The following PTPRM variants were observed in gnomAD, a reference collection of about 807,000 sequenced individuals.
PTPRM encodes protein tyrosine phosphatase receptor type M, also known as receptor-type tyrosine-protein phosphatase mu.
A neutral mutation model predicts 186.7 loss-of-function variants in PTPRM; 47 were observed. The ratio of observed to expected loss-of-function variants is 0.25; its 90% CI spans 0.20 to 0.32. PTPRM has a LOEUF of 0.32. Ranked by LOEUF, PTPRM falls within the 10% of genes least tolerant of loss-of-function variation. PTPRM has a pLI of 1.00. For missense variants in PTPRM, 1,494 were observed against 1,865.0 expected (o/e 0.80, Z 3.66); for synonymous variants, 668 against 674.9 (o/e 0.99, Z 0.16).
chr18:8,354,726 GC>G (rs1233986312), intron 23 of PTPRM, among the ~76,000 whole-genome samples: 12 of 152,296 alleles, frequency 7.9e-5, no homozygotes, highest in African/African-American at 2.6e-4. Flanking sequence ...ATTCCACAGT[GC>G]CCCCCGTTAG....
chr18:7,772,444 C>CCCTTCCTTCCTTCCTTCCTT (rs200187256), intron 1 of PTPRM, among the ~76,000 whole-genome samples: 55 of 92,404 alleles, frequency 6.0e-4, no homozygotes, highest in African/African-American at 2.4e-3. Context: ...CTTCCCCTTC[C>CCCTTCCTTCCTTCCTTCCTT]CCTTCCTTCC....
intron 4 of PTPRM, among the ~76,000 whole-genome samples, chr18:7,921,262 TTTTTCC>T (rs1310347089): frequency 6.6e-6 from 1 of 152,142 alleles, no homozygotes; most frequent in Non-Finnish European, 1.5e-5. Context: ...GTAGATAATC[TTTTTCC>T]TTTTCATTTT....
intron 20 of PTPRM, among the ~76,000 whole-genome samples, chr18:8,312,988 G>A (rs1464264046): frequency 1.3e-5 from 2 of 152,114 alleles, no homozygotes; most frequent in Non-Finnish European, 2.9e-5. Flanking sequence ...ACATTTACTC[G>A]ACAGGAGGTT....
intron 7 of PTPRM, among the ~76,000 whole-genome samples, chr18:7,999,911 C>T (rs2083767408): frequency 2.0e-5 from 3 of 152,070 alleles, no homozygotes; most frequent in South Asian, 4.2e-4. Flanking sequence ...AGAGCCTGTG[C>T]TGGTGTGGTT....
chr18:7,685,090 G>C (rs1377107164), intron 1 of PTPRM, among the ~76,000 whole-genome samples: 1 of 152,144 alleles, frequency 6.6e-6, no homozygotes, highest in East Asian at 1.9e-4. Context: ...GATTATAAAC[G>C]TAATCACAGG....
At chr18:7,638,732 CAGAT>C (rs1289664510) in intron 1 of PTPRM, among the ~76,000 whole-genome samples, 3 of 152,182 alleles carry the variant, frequency 2.0e-5, no homozygotes, top group Admixed American at 6.5e-5. Context: ...GATTTATTAA[CAGAT>C]AGGCTGGAGC....
chr18:8,358,070 C>T (rs2095573078), intron 23 of PTPRM, among the ~76,000 whole-genome samples: 1 of 152,078 alleles, frequency 6.6e-6, no homozygotes. Context: ...GATAGTATTC[C>T]TGCAAATACA....
intron 7 of PTPRM, among the ~76,000 whole-genome samples, chr18:7,975,882 C>T (rs139572546): frequency 6.6e-6 from 1 of 152,254 alleles, no homozygotes; most frequent in East Asian, 1.9e-4. Flanking sequence ...TAGAATGTAT[C>T]TCTGTTGGCT....
At chr18:8,210,017 AAAG>A in intron 14 of PTPRM, among the ~76,000 whole-genome samples, 1 of 132,174 alleles carries the variant, frequency 7.6e-6, no homozygotes, top group African/African-American at 2.8e-5. Flanking sequence ...AAAAAAAAAA[AAAG>A]GTGCTCGGGC....
intron 14 of PTPRM, among the ~76,000 whole-genome samples, chr18:8,190,632 A>G (rs2093697964): frequency 1.3e-5 from 2 of 152,210 alleles, no homozygotes; most frequent in Non-Finnish European, 2.9e-5. Context: ...TTTGGAAATA[A>G]TAAATCTATG....
intron 32 of PTPRM, 43 bp from the exon 33 acceptor site, chr18:8,406,066 T>C (rs2095904872): frequency 1.3e-6 from 2 of 1,575,216 alleles, no homozygotes; most frequent in Non-Finnish European, 1.7e-6. Context: ...AGGAACAGCG[T>C]TGAGATATTC....
In PTPRM at chr18:8,045,955, G is replaced by A. The variant is rs1315948448; in HGVS notation, c.1133-23731G>A. Among the ~76,000 whole-genome samples the A allele has an allele frequency of 2.6e-5, 4 of 152,234 alleles. No individual in the cohort carries two copies. The South Asian group carries it at 6.2e-4, about 24-fold the overall frequency. ...TGTCAGTAATTGATGTGGTTTGGCC[G>A]TGTCTCCACCCAAAATCTCATCTTG... is the stretch of plus-strand genomic sequence containing the variant. On this transcript the variant is annotated intron_variant, in intron 7 of 32. Coordinates refer to ENST00000580170, the MANE Select transcript of PTPRM (RefSeq NM_001105244.2).
chr18:8,223,618 T>C (rs1338972100), intron 14 of PTPRM, among the ~76,000 whole-genome samples: 1 of 152,132 alleles, frequency 6.6e-6, no homozygotes, highest in East Asian at 1.9e-4. Flanking sequence ...CAGTCCAAAG[T>C]TACATGATTG....
chr18:8,358,479 C>T (rs930101669), intron 23 of PTPRM, among the ~76,000 whole-genome samples: 22 of 152,182 alleles, frequency 1.4e-4, no homozygotes, highest in African/African-American at 5.1e-4. Flanking sequence ...TCTCACGCCT[C>T]CTGTGTCTCT....
At chr18:8,404,350 G>A (rs2095890091) in intron 32 of PTPRM, 2 of 152,172 alleles carry the variant, frequency 1.3e-5, no homozygotes, top group African/African-American at 4.8e-5. Context: ...AGGACTGAAT[G>A]TGTCATAAAA....
chr18:8,236,824 G>A (rs1424010407), intron 14 of PTPRM, among the ~76,000 whole-genome samples: 2 of 152,160 alleles, frequency 1.3e-5, no homozygotes, highest in Non-Finnish European at 2.9e-5. Flanking sequence ...TTATAGGTGT[G>A]AGCCACCTAG....
At chr18:7,654,521 CTT>C (rs1369147814) in intron 1 of PTPRM, among the ~76,000 whole-genome samples, 1 of 152,196 alleles carries the variant, frequency 6.6e-6, no homozygotes, top group Non-Finnish European at 1.5e-5. Flanking sequence ...GTCATGAAAT[CTT>C]TGCCTTTTCC....
At chr18:7,802,123 G>A (rs780106035) in intron 2 of PTPRM, among the ~76,000 whole-genome samples, 3 of 152,004 alleles carry the variant, frequency 2.0e-5, no homozygotes, top group Admixed American at 1.3e-4. Flanking sequence ...GGTTCTCACC[G>A]ACCTTTTCCA....
intron 21 of PTPRM, 56 bp downstream of exon 21, chr18:8,314,913 A>G (rs2095297342): frequency 1.7e-6 from 2 of 1,192,904 alleles, no homozygotes; most frequent in South Asian, 1.4e-5. Flanking sequence ...TTTGGGTGCT[A>G]TGTATGATAT....
Sources: gnomAD v4.1 joint callset for allele counts (sites outside exome capture counted in the v4.1 genomes callset) on GRCh38, gnomAD v4.1.1 for gene constraint, MANE v1.5 for transcripts, NCBI Gene and HGNC (gene_info 2026-07-23, HGNC 2026-07-21) for gene names.